Variants in AMBRA1 observed in about 807,000 individuals in gnomAD.
AMBRA1 encodes the protein activating molecule in BECN1-regulated autophagy protein 1.
A neutral mutation model predicts 125.4 loss-of-function variants in AMBRA1; 47 were observed. The ratio of observed to expected loss-of-function variants is 0.37; its 90% CI spans 0.30 to 0.48. The LOEUF (loss-of-function observed/expected upper bound fraction) is 0.48. AMBRA1 is among the 20% of genes least tolerant of loss of function. The pLI, the probability that AMBRA1 is intolerant of heterozygous loss-of-function variation, is 0.99. For synonymous variants in AMBRA1, 626 were observed against 655.5 expected, an observed-to-expected ratio of 0.95 and a Z score of 0.69; for missense variants, 1,331 against 1,693.4, an observed-to-expected ratio of 0.79 and a Z score of 3.76.
At chr11:46,547,965 T>C (rs2135189474) in intron 2 of AMBRA1, 90 bp from the exon 3 acceptor site, 1 of 1,437,354 alleles carries the variant, frequency 7.0e-7, no homozygotes, top group South Asian at 1.2e-5. Context: ...CATTCTAGAT[T>C]AGCATTCACA....
chr11:46,544,156 G>A lies in AMBRA1; in HGVS notation c.552-115C>T, dbSNP rs2135174883. The A allele has an allele frequency of 2.3e-5, 17 of 746,566 alleles. No homozygotes were observed. In the South Asian group the frequency reaches 3.0e-4, roughly 13 times the overall value. 46.2% of individuals were successfully genotyped at this position (746,566 alleles called of 1,614,324 possible). On this transcript the variant is annotated intron_variant, in intron 5 of 17. Coordinates refer to ENST00000683756, the MANE Select transcript of AMBRA1 (RefSeq NM_001387011.1). Reference sequence around the variant, plus strand: ...ATTACTGATAACTGGTATCACTCAGGTATCCACTTCATTCAAGACTTCCAA... The same window carrying A: ...ATTACTGATAACTGGTATCACTCAGATATCCACTTCATTCAAGACTTCCAA...
At position 46,494,170 on chromosome 11, in the gene AMBRA1, G is replaced by C. The variant is rs143288318; in HGVS notation, c.2374C>G (p.Arg792Gly). The C allele has an allele frequency of 1.9e-6, 3 of 1,607,378 alleles. No homozygotes were observed. The highest frequency in any genetic ancestry group is 2.5e-6 in the Non-Finnish European group (3 of 1,176,582). ...GAAGGTGCAGACATCCGGGCATTGC[G>C]TGGAGCTCGGTGCCTGGATCTGTCA... ...NGDRSRHRAP[R>G]NARMSAPSLG... Residue 792 changes from arginine to glycine, a missense_variant, in exon 10 of 18, where the codon CGC (arginine) becomes GGC (glycine). Arg to Gly is a moderately radical substitution (Grantham distance 125). This residue lies in a region of AMBRA1 where 689 missense variants were observed against 776.5 expected (regional missense o/e 0.89). Transcript: ENST00000683756.
At chr11:46,535,599 T>C (rs1168181488) in intron 7 of AMBRA1, among the ~76,000 whole-genome samples, 2 of 152,156 alleles carry the variant, frequency 1.3e-5, no homozygotes, top group South Asian at 2.1e-4. Flanking sequence ...AGACCAAGTA[T>C]ACCTTCATAG....
At chr11:46,550,718 G>GGTCGCGAGGTCAGGA (rs2042965242) in intron 1 of AMBRA1, among the ~76,000 whole-genome samples, 1 of 152,008 alleles carries the variant, frequency 6.6e-6, no homozygotes, top group Non-Finnish European at 1.5e-5. Flanking sequence ...CAAAAACTGA[G>GGTCGCGAGGTCAGGA]GATAACCAAG....
rs2043426194 is a variant in AMBRA1, at chr11:46,563,941, T to C, written c.-120-15441A>G. On this transcript the variant is annotated intron_variant, in intron 1 of 17. Coordinates refer to ENST00000683756, the MANE Select transcript of AMBRA1 (RefSeq NM_001387011.1). ...GTGTGGATCACCTGAAGTCAGGAGTTTGAGACCAGCCTGACCAACATGGAG... is the reference window on the plus strand; with the variant it reads ...GTGTGGATCACCTGAAGTCAGGAGTCTGAGACCAGCCTGACCAACATGGAG... Among the ~76,000 whole-genome samples the C allele has an allele frequency of 3.3e-5, 5 of 151,202 alleles. No homozygotes were observed. The South Asian group carries it at 1.0e-3, about 32-fold the overall frequency.
Position 46,593,838 on chromosome 11 carries a change from G to C in AMBRA1, c.-131C>G. 1 of 396,770 alleles carries C rather than the reference G, an allele frequency of 2.5e-6. No homozygotes were observed. Among genetic ancestry groups the C allele is most frequent in the Non-Finnish European group, 4.4e-6 (1 of 225,444 alleles). 24.6% of individuals were successfully genotyped at this position (396,770 alleles called of 1,614,324 possible). A position where few individuals can be genotyped will look rare whatever the true frequency, so the allele number is the denominator to read the frequency against. ...TCCTCCTGGGCCTACCTGCAAGGCA[G>C]ACGGGAGCTCGGTTTGCAGTCCAGC... On this transcript the variant is annotated 5_prime_UTR_variant, in exon 1 of 18. Transcript: ENST00000683756.
intron 1 of AMBRA1, among the ~76,000 whole-genome samples, chr11:46,582,749 T>C (rs1045785723): frequency 6.6e-6 from 1 of 152,082 alleles, no homozygotes; most frequent in African/African-American, 2.4e-5. Context: ...AGGTTGTTAG[T>C]TGGAATGAAA....
At position 46,472,867 on chromosome 11, in the gene AMBRA1, A is replaced by G. The variant is rs139977234; in HGVS notation, c.2521+20741T>C. Among the ~76,000 whole-genome samples, 958 of 152,292 alleles carry G rather than the reference A, an allele frequency of 6.3e-3. 13 individuals are homozygous for G. The highest frequency in any genetic ancestry group is 0.022 in the African/African-American group (914 of 41,562). On this transcript the variant is annotated intron_variant, in intron 11 of 17. Transcript: ENST00000683756. ...CCTGCTCACCAGGCAAACTCCACAC[A>G]TGCTCCAGGAAACACAGGCTTGCTC...
At chr11:46,555,802 A>C (rs2043141827) in intron 1 of AMBRA1, among the ~76,000 whole-genome samples, 1 of 152,218 alleles carries the variant, frequency 6.6e-6, no homozygotes. Context: ...TTCATACCCC[A>C]AATCTTCCCC....
chr11:46,543,949 G>C (rs1952874604), intron 6 of AMBRA1, 26 bp downstream of exon 6: 3 of 1,591,036 alleles, frequency 1.9e-6, no homozygotes, highest in Non-Finnish European at 2.6e-6. Context: ...AGTTTAGCTG[G>C]AATTGGAACT....
intron 1 of AMBRA1, among the ~76,000 whole-genome samples, chr11:46,590,627 A>G (rs1305959340): frequency 6.6e-6 from 1 of 152,218 alleles, no homozygotes; most frequent in Non-Finnish European, 1.5e-5. Flanking sequence ...CTTTCTTACT[A>G]AAAGACAGAA....
chr11:46,409,090 G>A (rs1171379524), intron 16 of AMBRA1, among the ~76,000 whole-genome samples: 1 of 152,156 alleles, frequency 6.6e-6, no homozygotes, highest in Non-Finnish European at 1.5e-5. Context: ...ACTAGAAGAA[G>A]GTCCTTTCTC....
chr11:46,488,621 A>G (rs1315657057), intron 11 of AMBRA1, among the ~76,000 whole-genome samples: 3 of 152,214 alleles, frequency 2.0e-5, no homozygotes, highest in African/African-American at 7.2e-5. Flanking sequence ...ACCGACATCT[A>G]CAGGACACTC....
intron 1 of AMBRA1, among the ~76,000 whole-genome samples, chr11:46,577,241 GT>G: frequency 6.6e-6 from 1 of 152,292 alleles, no homozygotes; most frequent in African/African-American, 2.4e-5. Flanking sequence ...ATAAACAAAT[GT>G]GATGTATACA....
chr11:46,535,646 C>T (rs1056114603), intron 7 of AMBRA1, among the ~76,000 whole-genome samples: 4 of 151,914 alleles, frequency 2.6e-5, no homozygotes, highest in African/African-American at 9.7e-5. Context: ...AAAAAAATAC[C>T]AACAGCACTG....
chr11:46,428,621 G>A, intron 14 of AMBRA1: 3 of 1,446,844 alleles, frequency 2.1e-6, no homozygotes, highest in Non-Finnish European at 2.9e-6. Context: ...TTGGCTATAA[G>A]TTTATTCAAT....
intron 7 of AMBRA1, among the ~76,000 whole-genome samples, chr11:46,519,343 A>G (rs2135085305): frequency 6.6e-6 from 1 of 152,328 alleles, no homozygotes; most frequent in Middle Eastern, 3.4e-3. Context: ...CAAATTCAAT[A>G]GATATCAGAG....
rs1947644875 is a variant in AMBRA1, at chr11:46,434,867, G to A, written c.2803C>T (p.Leu935Phe). 2 of 1,609,410 alleles carry A rather than the reference G, an allele frequency of 1.2e-6. No homozygotes were observed. Among genetic ancestry groups the A allele is most frequent in the Non-Finnish European group, 1.7e-6 (2 of 1,178,088 alleles). Residue 935 changes from leucine to phenylalanine, a missense_variant, in exon 13 of 18, where the codon CTC (leucine) becomes TTC (phenylalanine). Leu to Phe is a conservative substitution (Grantham distance 22, BLOSUM62 0). Coordinates refer to ENST00000683756, the MANE Select transcript of AMBRA1 (RefSeq NM_001387011.1). ...SLAPHNLGEMLYTKRFGPNAI... is the reference protein window; with the variant it reads ...SLAPHNLGEMFYTKRFGPNAI... ...CCCTTACCAAATCGCTTGGTGTAGAGCATTTCGCCCAGGTTATGGGGGGCC... is the reference window on the plus strand; with the variant it reads ...CCCTTACCAAATCGCTTGGTGTAGAACATTTCGCCCAGGTTATGGGGGGCC...
chr11:46,549,546 C>T (rs969501034), intron 1 of AMBRA1, among the ~76,000 whole-genome samples: 1 of 152,068 alleles, frequency 6.6e-6, no homozygotes, highest in Admixed American at 6.6e-5. Flanking sequence ...ATATTTAATT[C>T]ATTATGCAAC....
Sources: allele counts gnomAD v4.1 joint callset (sites outside exome capture counted in the v4.1 genomes callset), GRCh38; gene constraint gnomAD v4.1.1; regional missense constraint gnomAD v4.1.1; transcripts MANE v1.5; gene names NCBI Gene and HGNC (gene_info 2026-07-23, HGNC 2026-07-21).